The following AP4S1 variants were observed in gnomAD, a reference collection of about 807,000 sequenced individuals.
The protein encoded by AP4S1 is AP-4 complex subunit sigma-1.
In AP4S1, 23 loss-of-function variants were observed where a neutral mutation model predicts 19.8. That is an observed-to-expected ratio of 1.16 (90% CI 0.84 to 1.65). The LOEUF is 1.65. Among genes scored for constraint, AP4S1 ranks in the 40% most tolerant of loss-of-function variants. The pLI, the probability that AP4S1 is intolerant of heterozygous loss-of-function variation, is 0.00. For synonymous variants in AP4S1, 46 were observed against 54.1 expected (o/e 0.85, Z 0.66); for missense variants, 166 against 172.8 (o/e 0.96, Z 0.22).
chr14:31,040,749 T>G (rs1055989066), intron 1 of AP4S1, among the ~76,000 whole-genome samples: 1 of 152,142 alleles, frequency 6.6e-6, no homozygotes, highest in Non-Finnish European at 1.5e-5. Context: ...TTTACCAAAA[T>G]GGCTTTAGGT....
At chr14:31,092,292 G>C (rs1888097103) in intron 5 of AP4S1, among the ~76,000 whole-genome samples, 1 of 152,150 alleles carries the variant, frequency 6.6e-6, no homozygotes, top group Non-Finnish European at 1.5e-5. Flanking sequence ...TTATTTTGGG[G>C]TGGAGGTTTG....
At chr14:31,061,058 T>G (rs1886410505) in intron 1 of AP4S1, among the ~76,000 whole-genome samples, 1 of 152,036 alleles carries the variant, frequency 6.6e-6, no homozygotes, top group Non-Finnish European at 1.5e-5. Context: ...CCCAGATAAT[T>G]TTTTTGTATT....
At chr14:31,054,958 C>T (rs1013183661) in intron 1 of AP4S1, among the ~76,000 whole-genome samples, 4 of 148,810 alleles carry the variant, frequency 2.7e-5, no homozygotes, top group Non-Finnish European at 5.9e-5. Context: ...TGGCACTTTA[C>T]CTCTGTGCTC....
intron 1 of AP4S1, among the ~76,000 whole-genome samples, chr14:31,051,275 G>A (rs576646532): frequency 3.8e-4 from 58 of 151,562 alleles, no homozygotes; most frequent in Admixed American, 5.9e-4. Flanking sequence ...AAAAAAATAC[G>A]GTGTAGATAT....
At chr14:31,045,230 T>C (rs1462859684) in intron 1 of AP4S1, among the ~76,000 whole-genome samples, 1 of 152,170 alleles carries the variant, frequency 6.6e-6, no homozygotes, top group African/African-American at 2.4e-5. Flanking sequence ...AAAACAACTT[T>C]AGGTATAATG....
intron 5 of AP4S1, chr14:31,083,365 G>A: frequency 2.4e-6 from 1 of 423,010 alleles, no homozygotes; most frequent in South Asian, 1.7e-5. Flanking sequence ...ATTTAGAGAG[G>A]AGAACTAAGT....
chr14:31,080,477 G>A, intron 4 of AP4S1, 96 bp from the exon 5 acceptor site: 1 of 1,042,100 alleles, frequency 9.6e-7, no homozygotes, highest in Non-Finnish European at 1.5e-6. Context: ...AGAGGCCGCT[G>A]CTATGGACGC....
chr14:31,075,987 C>T (rs535279364), intron 4 of AP4S1, among the ~76,000 whole-genome samples: 3 of 152,258 alleles, frequency 2.0e-5, no homozygotes, highest in African/African-American at 7.2e-5. Context: ...CCGCCTGCCT[C>T]GGCCTCCCAA....
chr14:31,083,496 C>CATTTTTTTT, intron 5 of AP4S1: 1 of 254,120 alleles, frequency 3.9e-6, no homozygotes, highest in Non-Finnish European at 6.8e-6. Context: ...TGTTGACACT[C>CATTTTTTTT]TTTTTTTTTT....
rs528122086 is a variant in AP4S1, at chr14:31,076,883, G to A, written c.295-3690G>A. On this transcript the variant is annotated intron_variant, in intron 4 of 5. Transcript: ENST00000542754. ...ACTTTGGTACCATAGGCCTTCCTGA[G>A]CTTTAGTTAGACATTCTTGAGAAGT... Among the ~76,000 whole-genome samples, 16 of 152,270 alleles carry A rather than the reference G, an allele frequency of 1.1e-4. No homozygotes were observed. In the South Asian group the frequency reaches 3.3e-3, roughly 32 times the overall value.
chr14:31,025,620 G>T (rs2139373378), upstream of AP4S1: 4 of 492,428 alleles, frequency 8.1e-6, no homozygotes, highest in East Asian at 1.6e-4. Context: ...CGGGAAGGCC[G>T]CCTCCGGAGG....
intron 1 of AP4S1, among the ~76,000 whole-genome samples, chr14:31,033,990 C>G (rs1210720912): frequency 1.3e-5 from 2 of 152,204 alleles, no homozygotes; most frequent in African/African-American, 2.4e-5. Flanking sequence ...CCAAGTCCCT[C>G]CTGGACATTG....
intron 1 of AP4S1, among the ~76,000 whole-genome samples, chr14:31,029,544 A>G (rs887220333): frequency 3.9e-5 from 6 of 152,224 alleles, no homozygotes; most frequent in South Asian, 4.1e-4. Flanking sequence ...CAGATCAGGC[A>G]CAGTGGCTCA....
chr14:31,048,295 T>C (rs187763488), intron 1 of AP4S1, among the ~76,000 whole-genome samples: 5 of 151,628 alleles, frequency 3.3e-5, no homozygotes, highest in African/African-American at 1.2e-4. Context: ...AGAAACGGGG[T>C]CCCACCCTGT....
chr14:31,064,203 C>T (rs534091867), intron 1 of AP4S1, among the ~76,000 whole-genome samples: 2 of 152,076 alleles, frequency 1.3e-5, no homozygotes, highest in Non-Finnish European at 2.9e-5. Context: ...GCCTTTGAAC[C>T]GCAGCCCACC....
intron 1 of AP4S1, among the ~76,000 whole-genome samples, chr14:31,057,800 G>T (rs1886204773): frequency 6.6e-6 from 1 of 151,748 alleles, no homozygotes; most frequent in African/African-American, 2.4e-5. Context: ...TAATTTTTTT[G>T]TATTTTTAGT....
chr14:31,081,383 C>T (rs1248871044), intron 5 of AP4S1, among the ~76,000 whole-genome samples: 3 of 152,074 alleles, frequency 2.0e-5, no homozygotes, highest in Non-Finnish European at 2.9e-5. Flanking sequence ...GTATTCATTC[C>T]TTGATAGCAG....
At chr14:31,053,434 C>A (rs955913748) in intron 1 of AP4S1, among the ~76,000 whole-genome samples, 1 of 151,948 alleles carries the variant, frequency 6.6e-6, no homozygotes, top group Non-Finnish European at 1.5e-5. Context: ...AAGAAGAAAT[C>A]CAAAGCAAGT....
At chr14:31,063,229 G>A (rs1419529065) in intron 1 of AP4S1, among the ~76,000 whole-genome samples, 3 of 152,056 alleles carry the variant, frequency 2.0e-5, no homozygotes, top group Non-Finnish European at 2.9e-5. Flanking sequence ...TCAGGAGTTC[G>A]AGACCAGCCT....
Sources: gnomAD v4.1 joint callset for allele counts (sites outside exome capture counted in the v4.1 genomes callset) on GRCh38, gnomAD v4.1.1 for gene constraint, MANE v1.5 for transcripts, NCBI Gene and HGNC (gene_info 2026-07-23, HGNC 2026-07-21) for gene names.